Variants in ASTN2 observed in about 807,000 individuals in gnomAD.
ASTN2 encodes the protein astrotactin 2, also known as astrotactin-2.
A neutral mutation model predicts 139.8 loss-of-function variants in ASTN2; 54 were observed. The observed-to-expected ratio is 0.39, with a 90% CI of 0.31 to 0.48. The LOEUF (loss-of-function observed/expected upper bound fraction) is 0.48, where lower values mean the gene tolerates loss of function less well. Among genes scored for constraint, ASTN2 ranks in the 20% least tolerant of loss-of-function variants. ASTN2 has a pLI of 0.95. For missense variants in ASTN2, 1,565 were observed against 1,725.1 expected (o/e 0.91, Z 1.64); for synonymous variants, 756 against 719.5 (o/e 1.05, Z -0.81).
At position 116,802,083 on chromosome 9, in the gene ASTN2, C is replaced by CT. The variant is rs796156202; in HGVS notation, c.2396+3548dup. Among the ~76,000 whole-genome samples the CT allele has an allele frequency of 3.8e-3, 466 of 121,682 alleles. 2 individuals carry two copies. The highest frequency in any genetic ancestry group is 6.7e-3 in the African/African-American group (207 of 31,026). 79.8% of individuals were successfully genotyped at this position (121,682 alleles called of 152,430 possible). A position where few individuals can be genotyped will look rare whatever the true frequency, so the allele number is the denominator to read the frequency against. Reference sequence around the variant, plus strand: ...AAGGGGCCATGTTCTTTCTTTCTTTCTTTTTTTTTTTTTTTTTTTTTTTGA... The same window carrying CT: ...AAGGGGCCATGTTCTTTCTTTCTTTCTTTTTTTTTTTTTTTTTTTTTTTTGA... On this transcript the variant is annotated intron_variant, in intron 13 of 22. Coordinates refer to ENST00000313400, the MANE Select transcript of ASTN2 (RefSeq NM_001365068.1).
chr9:116,557,994 T>C (rs1439424494), intron 19 of ASTN2, among the ~76,000 whole-genome samples: 2 of 152,202 alleles, frequency 1.3e-5, no homozygotes, highest in African/African-American at 4.8e-5. Context: ...TACAGAGCTA[T>C]AAGCATAGAA....
intron 19 of ASTN2, among the ~76,000 whole-genome samples, chr9:116,538,182 G>C (rs1249051798): frequency 6.6e-6 from 1 of 152,024 alleles, no homozygotes; most frequent in Non-Finnish European, 1.5e-5. Flanking sequence ...AAAGAAGAAA[G>C]GGAGGGAGGA....
chr9:117,357,675 T>C (rs1245550463), intron 1 of ASTN2, among the ~76,000 whole-genome samples: 1 of 152,156 alleles, frequency 6.6e-6, no homozygotes, highest in Non-Finnish European at 1.5e-5. Context: ...CACAGGAGAT[T>C]GGAATTAATG....
chr9:116,805,487 C>T (rs1319713830), intron 13 of ASTN2, 145 bp downstream of exon 13: 4 of 667,564 alleles, frequency 6.0e-6, no homozygotes, highest in Non-Finnish European at 7.5e-6. Context: ...TGACTTTCCA[C>T]ACTCCTTAAG....
At chr9:117,395,545 C>G (rs990753604) in intron 1 of ASTN2, among the ~76,000 whole-genome samples, 1 of 152,184 alleles carries the variant, frequency 6.6e-6, no homozygotes. Flanking sequence ...TGCTGGGAAA[C>G]CCAGTGGAGA....
intron 7 of ASTN2, among the ~76,000 whole-genome samples, chr9:116,980,563 G>T (rs1466416192): frequency 6.6e-6 from 1 of 152,092 alleles, no homozygotes; most frequent in Non-Finnish European, 1.5e-5. Context: ...TAAAATGGAA[G>T]GTTGGAGTAG....
chr9:116,726,069 G>A (rs1828614094), intron 15 of ASTN2, 119 bp from the exon 16 acceptor site: 1 of 887,162 alleles, frequency 1.1e-6, no homozygotes, highest in South Asian at 1.7e-5. Context: ...CAGCACAGTG[G>A]CAGCTTGGTG....
chr9:117,082,953 G>T (rs1435201317), intron 5 of ASTN2, among the ~76,000 whole-genome samples: 1 of 152,094 alleles, frequency 6.6e-6, no homozygotes, highest in African/African-American at 2.4e-5. Flanking sequence ...TATAATATTG[G>T]CTTCTTAAAG....
chr9:117,255,757 T>C (rs1043561044), intron 2 of ASTN2, among the ~76,000 whole-genome samples: 1 of 152,132 alleles, frequency 6.6e-6, no homozygotes, highest in Non-Finnish European at 1.5e-5. Flanking sequence ...TTGCAATGGC[T>C]ATTGCAAGCG....
At chr9:117,347,708 G>T (rs1043242605) in intron 1 of ASTN2, among the ~76,000 whole-genome samples, 3 of 152,158 alleles carry the variant, frequency 2.0e-5, no homozygotes, top group African/African-American at 7.2e-5. Context: ...AGAATGTGGT[G>T]GCTACAACCA....
At chr9:116,801,585 CAAAAAAAAAAAAAAAAA>C (rs397893932) in intron 13 of ASTN2, among the ~76,000 whole-genome samples, 2 of 60,366 alleles carry the variant, frequency 3.3e-5, no homozygotes, top group African/African-American at 6.1e-5. Context: ...GGCTCTGTCT[CAAAAAAAAAAAAAAAAA>C]AAAAAAAAAA....
intron 2 of ASTN2, among the ~76,000 whole-genome samples, chr9:117,231,141 A>T (rs1396303437): frequency 2.0e-5 from 3 of 152,216 alleles, no homozygotes; most frequent in Non-Finnish European, 4.4e-5. Context: ...GATTCAGTAT[A>T]TCTCATCTTC....
intron 3 of ASTN2, among the ~76,000 whole-genome samples, chr9:117,195,476 T>C (rs1242284149): frequency 6.6e-6 from 1 of 151,766 alleles, no homozygotes; most frequent in African/African-American, 2.4e-5. Flanking sequence ...AGGAAGAGGA[T>C]GGGATAAAAG....
At chr9:116,783,145 T>C (rs1028900904) in intron 13 of ASTN2, among the ~76,000 whole-genome samples, 1 of 152,194 alleles carries the variant, frequency 6.6e-6, no homozygotes, top group African/African-American at 2.4e-5. Context: ...TCTGCGTCTC[T>C]ATCACCTCGA....
At chr9:116,435,402 T>C (rs1847620286) in intron 22 of ASTN2, among the ~76,000 whole-genome samples, 1 of 152,218 alleles carries the variant, frequency 6.6e-6, no homozygotes, top group Admixed American at 6.5e-5. Flanking sequence ...AAAACATTTA[T>C]ATGGCTTCTG....
chr9:116,882,210 C>T (rs1232195626), intron 10 of ASTN2, among the ~76,000 whole-genome samples: 1 of 152,134 alleles, frequency 6.6e-6, no homozygotes, highest in Non-Finnish European at 1.5e-5. Flanking sequence ...AGGCCAACAG[C>T]AGTCTTGCAA....
At chr9:117,357,097 A>T (rs563266193) in intron 1 of ASTN2, among the ~76,000 whole-genome samples, 2 of 152,224 alleles carry the variant, frequency 1.3e-5, no homozygotes, top group East Asian at 3.9e-4. Flanking sequence ...AATATGAAGC[A>T]TGTGCTACCA....
At chr9:116,820,183 A>T (rs750180277) in intron 12 of ASTN2, among the ~76,000 whole-genome samples, 3 of 150,666 alleles carry the variant, frequency 2.0e-5, no homozygotes, top group Non-Finnish European at 1.5e-5. Flanking sequence ...ACATTGCTAC[A>T]TTCCTGCTGA....
intron 1 of ASTN2, among the ~76,000 whole-genome samples, chr9:117,393,820 G>C (rs1047270713): frequency 6.6e-6 from 1 of 151,960 alleles, no homozygotes; most frequent in Non-Finnish European, 1.5e-5. Context: ...GAGACTCTAG[G>C]GTAGAATGGG....
Sources: allele counts gnomAD v4.1 joint callset (sites outside exome capture counted in the v4.1 genomes callset), GRCh38; gene constraint gnomAD v4.1.1; transcripts MANE v1.5; gene names NCBI Gene and HGNC (gene_info 2026-07-23, HGNC 2026-07-21).